Variants in ZYG11B observed in about 807,000 individuals in gnomAD.
ZYG11B encodes protein zyg-11 homolog B.
ZYG11B carries 36 observed loss-of-function variants against 82.4 expected under a neutral mutation model. The ratio of observed to expected loss-of-function variants is 0.44; its 90% CI spans 0.33 to 0.58. The LOEUF is 0.58. ZYG11B is among the 20% of genes least tolerant of loss of function. ZYG11B has a pLI of 0.02. For missense variants in ZYG11B, 552 were observed against 895.6 expected (o/e 0.62, Z 4.90); for synonymous variants, 303 against 312.8 (o/e 0.97, Z 0.33).
Position 52,776,229 on chromosome 1 carries a change from A to AAAAAAAAAATATAT in ZYG11B, c.952-3623_952-3622insAAAAAAAATATATA. 6.8e-4 allele frequency among the ~76,000 whole-genome samples: 16 copies of AAAAAAAAAATATAT among 23,544 alleles called. 1 individual carries two copies. The highest frequency in any genetic ancestry group is 2.4e-3 in the Admixed American group (3 of 1,234). 15.4% of individuals were successfully genotyped at this position (23,544 alleles called of 152,430 possible). A position where few individuals can be genotyped will look rare whatever the true frequency, so the allele number is the denominator to read the frequency against. ...AGCAAAACTCTGTCTTAAAAAAAAA[A>AAAAAAAAAATATAT]ATATATATATATATATGCAATAAAG... is the stretch of plus-strand genomic sequence containing the variant. On this transcript the variant is annotated intron_variant, in intron 3 of 13. Transcript: ENST00000294353.
chr1:52,818,910 C>T (rs1335835387), intron 13 of ZYG11B, among the ~76,000 whole-genome samples: 2 of 151,780 alleles, frequency 1.3e-5, no homozygotes, highest in Admixed American at 1.3e-4. Flanking sequence ...TCTCCTACCT[C>T]AGCCTCCCGA....
chr1:52,745,422 A>G (rs1352577225), intron 1 of ZYG11B, among the ~76,000 whole-genome samples: 2 of 152,170 alleles, frequency 1.3e-5, no homozygotes, highest in African/African-American at 4.8e-5. Context: ...TGCTTTTATA[A>G]GAAGCTGTGG....
intron 13 of ZYG11B, among the ~76,000 whole-genome samples, chr1:52,820,118 G>T (rs141892631): frequency 6.6e-6 from 1 of 150,796 alleles, no homozygotes; most frequent in Admixed American, 6.6e-5. Context: ...GTTTCACCAC[G>T]TTAGCCAGGA....
intron 12 of ZYG11B, among the ~76,000 whole-genome samples, chr1:52,814,711 AC>A (rs200817050): frequency 0.3 from 46,072 of 151,780 alleles, 7,900 homozygotes; most frequent in Admixed American, 0.43. Context: ...AAATACACAC[AC>A]ACACACACAC....
At chr1:52,746,687 GTTTTTTTTTTTTTTTTTTTT>G (rs11446988) in intron 1 of ZYG11B, among the ~76,000 whole-genome samples, 1 of 33,506 alleles carries the variant, frequency 3.0e-5, no homozygotes, top group African/African-American at 1.3e-4. Flanking sequence ...ATCGGCCACT[GTTTTTTTTTTTTTTTTTTTT>G]TTTTTTTGCG....
At chr1:52,760,834 C>T (rs990284011) in intron 2 of ZYG11B, among the ~76,000 whole-genome samples, 1 of 149,598 alleles carries the variant, frequency 6.7e-6, no homozygotes, top group African/African-American at 2.5e-5. Context: ...GCAGTCTCAG[C>T]TCACTGCAGT....
chr1:52,814,709 AC>A (rs67731604), intron 12 of ZYG11B, among the ~76,000 whole-genome samples: 46,155 of 151,030 alleles, frequency 0.31, 7,950 homozygotes, highest in Admixed American at 0.43. Context: ...GTAAATACAC[AC>A]ACACACACAC....
At chr1:52,785,276 CA>C (rs1270327738) in intron 5 of ZYG11B, among the ~76,000 whole-genome samples, 3 of 152,166 alleles carry the variant, frequency 2.0e-5, no homozygotes, top group Admixed American at 6.6e-5. Flanking sequence ...ATACAAAACT[CA>C]TCTTCCTCCT....
chr1:52,765,601 G>A (rs1001393402), intron 2 of ZYG11B, among the ~76,000 whole-genome samples: 2 of 151,920 alleles, frequency 1.3e-5, no homozygotes, highest in Non-Finnish European at 2.9e-5. Context: ...GGGCTCAAGC[G>A]ACCCTTCGAC....
At chr1:52,811,591 G>A (rs772244106) in intron 10 of ZYG11B, among the ~76,000 whole-genome samples, 5 of 152,126 alleles carry the variant, frequency 3.3e-5, no homozygotes, top group Non-Finnish European at 7.4e-5. Context: ...GTGTAAATCA[G>A]CATGCCCTGC....
At chr1:52,746,508 T>C (rs950067263) in intron 1 of ZYG11B, among the ~76,000 whole-genome samples, 1 of 151,970 alleles carries the variant, frequency 6.6e-6, no homozygotes, top group African/African-American at 2.4e-5. Context: ...GAGTTCAAAT[T>C]AGGAGAGTGA....
At chr1:52,801,265 T>G (rs933893278) in intron 8 of ZYG11B, among the ~76,000 whole-genome samples, 2 of 152,060 alleles carry the variant, frequency 1.3e-5, no homozygotes, top group Admixed American at 6.6e-5. Flanking sequence ...ATAGACTAAT[T>G]CTTTTATTGT....
intron 3 of ZYG11B, chr1:52,772,175 C>G: frequency 6.9e-7 from 1 of 1,448,710 alleles, no homozygotes. Context: ...CATTTTATTG[C>G]TTGAGTACAC....
intron 5 of ZYG11B, among the ~76,000 whole-genome samples, chr1:52,788,362 A>G (rs138457349): frequency 2.6e-5 from 4 of 152,334 alleles, no homozygotes; most frequent in African/African-American, 9.6e-5. Context: ...TTTCAAATGC[A>G]GTAAGGCATA....
intron 2 of ZYG11B, among the ~76,000 whole-genome samples, chr1:52,768,794 A>G (rs1644721721): frequency 6.6e-6 from 1 of 152,088 alleles, no homozygotes; most frequent in Non-Finnish European, 1.5e-5. Context: ...CGGTTTTGCC[A>G]CGTTGGCCAG....
chr1:52,770,972 ATTC>A (rs1644745138), intron 2 of ZYG11B, 45 bp from the exon 3 acceptor site: 3 of 1,551,258 alleles, frequency 1.9e-6, no homozygotes, highest in African/African-American at 2.7e-5. Flanking sequence ...AATTTTGGCT[ATTC>A]TTTAACTGTT....
intron 1 of ZYG11B, among the ~76,000 whole-genome samples, chr1:52,738,905 C>T (rs1016635109): frequency 1.1e-4 from 16 of 149,008 alleles, no homozygotes; most frequent in African/African-American, 2.7e-4. Context: ...CCACCATGCC[C>T]GGCCAGGACT....
intron 1 of ZYG11B, among the ~76,000 whole-genome samples, chr1:52,753,426 T>TC (rs1279803582): frequency 8.0e-6 from 1 of 125,490 alleles, no homozygotes; most frequent in Non-Finnish European, 1.6e-5. Context: ...TTGTTGTTCT[T>TC]TTTTTTTTTT....
intron 2 of ZYG11B, among the ~76,000 whole-genome samples, chr1:52,761,936 T>A (rs4628454): frequency 0.11 from 16,023 of 152,176 alleles, 1,884 homozygotes; most frequent in East Asian, 0.35. Context: ...GCAATTTTTT[T>A]ATATATTTGT....
Sources: allele counts gnomAD v4.1 joint callset (sites outside exome capture counted in the v4.1 genomes callset), GRCh38; gene constraint gnomAD v4.1.1; transcripts MANE v1.5; gene names NCBI Gene and HGNC (gene_info 2026-07-23, HGNC 2026-07-21).